SYNGR1: variants seen among roughly 807,000 people sequenced by gnomAD.
The protein encoded by SYNGR1 is synaptogyrin-1.
A neutral mutation model predicts 26.1 loss-of-function variants in SYNGR1; 14 were observed. The ratio of observed to expected loss-of-function variants is 0.54; its 90% CI spans 0.35 to 0.84. The LOEUF (loss-of-function observed/expected upper bound fraction) is 0.84, where lower values mean the gene tolerates loss of function less well. Among genes scored for constraint, SYNGR1 ranks in the 40% least tolerant of loss-of-function variants. The pLI is 0.01. For synonymous variants in SYNGR1, 141 were observed against 150.1 expected (o/e 0.94, Z 0.44); for missense variants, 319 against 332.9 (o/e 0.96, Z 0.33).
chr22:39,352,602 A>G (rs1157880982), intron 1 of SYNGR1, among the ~76,000 whole-genome samples: 2 of 152,114 alleles, frequency 1.3e-5, no homozygotes, highest in Admixed American at 6.5e-5. Context: ...CCATTTAAAC[A>G]CATCAGGAGC....
chr22:39,379,645 G>GA (rs59702675), intron 3 of SYNGR1: 99,588 of 143,946 alleles, frequency 0.69, 34,509 homozygotes, highest in East Asian at 0.95. Flanking sequence ...AAAAAAAAAA[G>GA]AAAAAAAAAA....
At chr22:39,351,940 G>A (rs528509041) in intron 1 of SYNGR1, among the ~76,000 whole-genome samples, 57 of 152,208 alleles carry the variant, frequency 3.7e-4, no homozygotes, top group Admixed American at 8.5e-4. Context: ...CAGGGGAGAG[G>A]ACGTGGAAAG....
intron 1 of SYNGR1, among the ~76,000 whole-genome samples, chr22:39,365,745 A>G (rs1220467251): frequency 6.6e-6 from 1 of 152,060 alleles, no homozygotes; most frequent in African/African-American, 2.4e-5. Flanking sequence ...GCAGGCTGCA[A>G]GGGATGTGGC....
At chr22:39,356,015 A>G (rs118065135) in intron 1 of SYNGR1, among the ~76,000 whole-genome samples, 2,197 of 152,304 alleles carry the variant, frequency 0.014, 20 homozygotes, top group Non-Finnish European at 0.024. Context: ...GTGAAACTCC[A>G]TTTCAAAAAA....
intron 3 of SYNGR1, chr22:39,377,072 C>T (rs1205520529): frequency 5.2e-6 from 8 of 1,550,728 alleles, no homozygotes; most frequent in Non-Finnish European, 7.0e-6. Context: ...CCATAACCCA[C>T]AGCTGCCTCC....
At chr22:39,375,756 T>C (rs1177430377) in intron 2 of SYNGR1, 4 of 601,820 alleles carry the variant, frequency 6.6e-6, no homozygotes, top group Non-Finnish European at 8.9e-6. Flanking sequence ...TTTCTCTGTC[T>C]CTCCCTCCAT....
Position 39,359,258 on chromosome 22 carries a change from A to G in SYNGR1, c.99+9149A>G, listed in dbSNP as rs528375929. Among the ~76,000 whole-genome samples the G allele has an allele frequency of 1.3e-4, 19 of 151,814 alleles. 1 individual carries two copies. The South Asian group carries it at 3.3e-3, about 27-fold the overall frequency. ...ACATTGTCCCCCAGCTTTGAATCTC[A>G]CACCAGCACTGGGTCGCCCACTCCC... On this transcript the variant is annotated intron_variant, in intron 1 of 3. Coordinates refer to ENST00000328933, the MANE Select transcript of SYNGR1 (RefSeq NM_004711.5).
intron 2 of SYNGR1, chr22:39,374,884 C>A (rs1925206446): frequency 4.8e-6 from 2 of 414,138 alleles, no homozygotes; most frequent in Admixed American, 7.3e-5. Flanking sequence ...TGTGCCACCT[C>A]CCTGGGGCAG....
intron 3 of SYNGR1, chr22:39,377,753 A>T: frequency 6.3e-7 from 1 of 1,586,630 alleles, no homozygotes; most frequent in Non-Finnish European, 8.6e-7. Context: ...TGGCAGGAGC[A>T]GCCTAGTGCC....
intron 1 of SYNGR1, among the ~76,000 whole-genome samples, chr22:39,353,158 G>C (rs564161877): frequency 6.6e-6 from 1 of 152,070 alleles, no homozygotes; most frequent in East Asian, 1.9e-4. Flanking sequence ...CACCGCACCC[G>C]GCCTGGACCT....
At position 39,372,438 on chromosome 22, in the gene SYNGR1, C is replaced by CTTTT. The variant is rs767314185; in HGVS notation, c.100-1851_100-1848dup. 7.7e-4 allele frequency among the ~76,000 whole-genome samples: 42 copies of CTTTT among 54,652 alleles called. 4 individuals are homozygous for CTTTT. Among genetic ancestry groups the CTTTT allele is most frequent in the African/African-American group, 2.3e-3 (24 of 10,646 alleles). 35.9% of individuals were successfully genotyped at this position (54,652 alleles called of 152,430 possible). On this transcript the variant is annotated intron_variant, in intron 1 of 3. Coordinates refer to ENST00000328933, the MANE Select transcript of SYNGR1 (RefSeq NM_004711.5). The stretch of plus-strand genomic sequence containing the variant: ...GAGCCACCATGCACCACGCCCAGCT[C>CTTTT]TTTTTTTTTTTTTTTTTTTTTTTTT...
chr22:39,355,943 C>T (rs961876968), intron 1 of SYNGR1, among the ~76,000 whole-genome samples: 5 of 152,044 alleles, frequency 3.3e-5, no homozygotes, highest in South Asian at 2.1e-4. Context: ...CGCTTAAGCC[C>T]GAGAGGTGGA....
In SYNGR1 at chr22:39,382,067, T is replaced by C. The variant is rs1925518617; in HGVS notation, c.*153T>C. The stretch of plus-strand genomic sequence containing the variant: ...GTAGCTCGGGGCAGGGGTGGGGCAG[T>C]CCAGTGTTGGGGACTGTCTACGTAT... On this transcript the variant is annotated 3_prime_UTR_variant, in exon 4 of 4. Transcript: ENST00000328933. 2.5e-6 allele frequency: 2 copies of C among 800,832 alleles called. No homozygotes were observed. Among genetic ancestry groups the C allele is most frequent in the South Asian group, 3.2e-5 (2 of 63,094 alleles). The allele number at this position is 800,832 out of a possible 1,614,324, so 49.6% of individuals were successfully genotyped here.
Position 39,384,660 on chromosome 22 carries a change from C to A in SYNGR1, c.*2746C>A. ...CTCTGTCCGGTATCCCTTTTCCTCC[C>A]AGCTGCCCTCCCCTACTTCTCCCTT... On this transcript the variant is annotated 3_prime_UTR_variant, in exon 4 of 4. Coordinates refer to ENST00000328933, the MANE Select transcript of SYNGR1 (RefSeq NM_004711.5). 2.5e-6 allele frequency: 1 copy of A among 399,132 alleles called. No individual in the cohort carries two copies. Among genetic ancestry groups the A allele is most frequent in the Non-Finnish European group, 4.4e-6 (1 of 226,124 alleles). 24.7% of individuals were successfully genotyped at this position (399,132 alleles called of 1,614,324 possible). A position where few individuals can be genotyped will look rare whatever the true frequency, so the allele number is the denominator to read the frequency against.
chr22:39,385,018 T>C lies in SYNGR1; in HGVS notation c.*3104T>C. 1 of 398,912 alleles carries C rather than the reference T, an allele frequency of 2.5e-6. No homozygotes were observed. The highest frequency in any genetic ancestry group is 4.4e-6 in the Non-Finnish European group (1 of 226,124). 24.7% of individuals were successfully genotyped at this position (398,912 alleles called of 1,614,324 possible). ...TCCCAGGGGACTGACGTTAGTTCCCTACTCCATCCTTCCCTGGTGATTCTT... is the reference window on the plus strand; with the variant it reads ...TCCCAGGGGACTGACGTTAGTTCCCCACTCCATCCTTCCCTGGTGATTCTT... On this transcript the variant is annotated 3_prime_UTR_variant, in exon 4 of 4. Transcript: ENST00000328933.
In SYNGR1 at chr22:39,375,996, C is replaced by G; in HGVS notation, c.338-56C>G. Reference sequence around the variant, plus strand: ...TCGGCTTCCCCATTTTCTCCCCACTCACCCTCTCCCCCATGTGTGGCACTG... The same window carrying G: ...TCGGCTTCCCCATTTTCTCCCCACTGACCCTCTCCCCCATGTGTGGCACTG... On this transcript the variant is annotated intron_variant, in intron 2 of 3. Transcript: ENST00000328933. 3 of 1,611,586 alleles carry G rather than the reference C, an allele frequency of 1.9e-6. No individual in the cohort carries two copies. The South Asian group carries it at 3.3e-5, about 18-fold the overall frequency.
intron 1 of SYNGR1, 127 bp from the exon 2 acceptor site, chr22:39,374,189 C>T: frequency 2.4e-6 from 2 of 821,248 alleles, no homozygotes; most frequent in Non-Finnish European, 2.0e-6. Flanking sequence ...TCTGAAATGC[C>T]TGCTTAACCC....
chr22:39,365,510 A>C (rs551930729), intron 1 of SYNGR1, among the ~76,000 whole-genome samples: 3 of 152,124 alleles, frequency 2.0e-5, no homozygotes, highest in South Asian at 4.1e-4. Context: ...TCCTCCTCCC[A>C]TGTACTGTGA....
chr22:39,365,328 C>G (rs1055641904), intron 1 of SYNGR1, among the ~76,000 whole-genome samples: 2 of 152,194 alleles, frequency 1.3e-5, no homozygotes, highest in Non-Finnish European at 2.9e-5. Flanking sequence ...GCACAGGGCA[C>G]CAGCTTTGGA....
Sources: gnomAD v4.1 joint callset for allele counts (sites outside exome capture counted in the v4.1 genomes callset) on GRCh38, gnomAD v4.1.1 for gene constraint, MANE v1.5 for transcripts, NCBI Gene and HGNC (gene_info 2026-07-23, HGNC 2026-07-21) for gene names.